Variants in SOD2 observed in about 807,000 individuals in gnomAD.
The protein encoded by SOD2 is superoxide dismutase [Mn], mitochondrial.
SOD2 carries 11 observed loss-of-function variants against 27.0 expected under a neutral mutation model. The observed-to-expected ratio is 0.41, with a 90% CI of 0.26 to 0.67. SOD2 has a LOEUF of 0.67. SOD2 is among the 30% of genes least tolerant of loss of function. The pLI is 0.34. For synonymous variants in SOD2, 105 were observed against 103.0 expected, an observed-to-expected ratio of 1.02 and a Z score of -0.12; for missense variants, 250 against 274.5, an observed-to-expected ratio of 0.91 and a Z score of 0.63.
chr6:159,758,270 C>A lies in SOD2; in HGVS notation c.-336+2767G>T, dbSNP rs201428716. On this transcript the variant is annotated intron_variant, in intron 1 of 7. Transcript: ENST00000546087. ...GGGCTGCTGTGAAAAAAAAAAAAAA[C>A]CACAGACTGGGTGGCTTTACACGCG... Among the ~76,000 whole-genome samples, 862 of 149,892 alleles carry A rather than the reference C, an allele frequency of 5.8e-3. 5 individuals carry two copies. Among genetic ancestry groups the A allele is most frequent in the African/African-American group, 0.018 (738 of 40,824 alleles).
intron 1 of SOD2, among the ~76,000 whole-genome samples, chr6:159,750,292 G>A (rs1779771050): frequency 6.6e-6 from 1 of 152,180 alleles, no homozygotes; most frequent in Admixed American, 6.5e-5. Context: ...TTATTAACAT[G>A]TACTCAAATT....
chr6:159,742,532 G>A (rs1290668051), intron 1 of SOD2, among the ~76,000 whole-genome samples: 1 of 152,080 alleles, frequency 6.6e-6, no homozygotes, highest in Non-Finnish European at 1.5e-5. Context: ...ACAGATTTAT[G>A]ACAGCTTAAA....
chr6:159,711,427 A>C (rs1343757870), intron 1 of SOD2, among the ~76,000 whole-genome samples: 1 of 36,206 alleles, frequency 2.8e-5, no homozygotes, highest in Non-Finnish European at 5.7e-5. Context: ...TCTGATCACC[A>C]TAACCACCTC....
chr6:159,715,541 G>A (rs141290279), intron 1 of SOD2, among the ~76,000 whole-genome samples: 22 of 152,226 alleles, frequency 1.4e-4, no homozygotes, highest in Admixed American at 2.6e-4. Context: ...GGATCTTACC[G>A]TTGCATCCAT....
intron 1 of SOD2, chr6:159,753,440 G>A: frequency 6.2e-7 from 1 of 1,614,130 alleles, no homozygotes; most frequent in African/African-American, 1.3e-5. Flanking sequence ...TTTTGTGATG[G>A]ATGGCTCTTT....
intron 3 of SOD2, 110 bp from the exon 4 acceptor site, chr6:159,685,143 T>C (rs1780123984): frequency 3.4e-6 from 2 of 580,494 alleles, no homozygotes; most frequent in Non-Finnish European, 5.2e-6. Flanking sequence ...CCCAAGAAAT[T>C]AGACAACATC....
rs1583116280 is a variant in SOD2, at chr6:159,759,372, A to G, written c.-336+1665T>C. Among the ~76,000 whole-genome samples, 4 of 147,320 alleles carry G rather than the reference A, an allele frequency of 2.7e-5. No homozygotes were observed. In the East Asian group the frequency reaches 8.6e-4, roughly 32 times the overall value. The stretch of plus-strand genomic sequence containing the variant: ...CCGCGGCCGGCCAAGACATAATTTT[A>G]AAAATTATCTTCCAGCTGGCCGGGC... On this transcript the variant is annotated intron_variant, in intron 1 of 7. Coordinates refer to the SOD2 transcript ENST00000546087.
chr6:159,727,500 G>T (rs1380850491), upstream of SOD2: 2 of 993,462 alleles, frequency 2.0e-6, no homozygotes, highest in Middle Eastern at 5.1e-4. Flanking sequence ...GGCGGGGCCT[G>T]GTTTCCTCCC....
upstream of SOD2, among the ~76,000 whole-genome samples, chr6:159,728,927 G>A (rs1778395346): frequency 6.6e-6 from 1 of 152,190 alleles, no homozygotes; most frequent in Non-Finnish European, 1.5e-5. Context: ...AACTCCTAAA[G>A]GATAAAAGTA....
In SOD2 at chr6:159,711,055, C is replaced by T. The variant is rs1319042912; in HGVS notation, c.-116+16074G>A. Among the ~76,000 whole-genome samples the T allele has an allele frequency of 9.0e-5, 7 of 77,882 alleles. 1 individual carries two copies. Among genetic ancestry groups the T allele is most frequent in the East Asian group, 4.4e-4 (1 of 2,270 alleles). The allele number at this position is 77,882 out of a possible 152,430, so 51.1% of individuals were successfully genotyped here. ...ACTCAACAGCTCTGATCACCATAAC[C>T]GCCTCCACAACCACCACTCACATTG... On this transcript the variant is annotated intron_variant, in intron 1 of 2. Coordinates refer to the SOD2 transcript ENST00000401980.
At chr6:159,726,916 C>T (rs1161469671) in intron 1 of SOD2, 1 of 1,288,890 alleles carries the variant, frequency 7.8e-7, no homozygotes, top group Admixed American at 2.3e-5. Flanking sequence ...CTTGAGGTGG[C>T]ACCTGGTCCT....
chr6:159,700,684 A>C (rs1393707718), intron 1 of SOD2, among the ~76,000 whole-genome samples: 2 of 151,948 alleles, frequency 1.3e-5, no homozygotes, highest in African/African-American at 4.8e-5. Context: ...ATGCATTGTT[A>C]ACATGTGTGG....
chr6:159,712,285 GATC>G (rs1777815557), intron 1 of SOD2, among the ~76,000 whole-genome samples: 1 of 144,206 alleles, frequency 6.9e-6, no homozygotes, highest in Non-Finnish European at 1.5e-5. Context: ...ACATTGCTCT[GATC>G]ACCATAACCA....
At chr6:159,760,659 G>C (rs528787914) in intron 1 of SOD2, 1 of 152,396 alleles carries the variant, frequency 6.6e-6, no homozygotes, top group South Asian at 2.1e-4. Context: ...TCAGTATACA[G>C]GTGGTGATTG....
chr6:159,694,193 C>G (rs1777372061), upstream of SOD2, among the ~76,000 whole-genome samples: 1 of 152,210 alleles, frequency 6.6e-6, no homozygotes, highest in African/African-American at 2.4e-5. Flanking sequence ...CTTTCCTGCG[C>G]TGTCTTGTAG....
intron 1 of SOD2, chr6:159,713,231 C>T: frequency 1.3e-6 from 1 of 795,820 alleles, no homozygotes. Flanking sequence ...TCTATCAGAC[C>T]TAAAGCCATA....
At chr6:159,726,567 G>T in intron 1 of SOD2, 1 of 343,630 alleles carries the variant, frequency 2.9e-6, no homozygotes, top group Non-Finnish European at 5.7e-6. Context: ...AGGTAACACC[G>T]CCATTACTCG....
At chr6:159,743,499 C>T (rs2114927882) in intron 1 of SOD2, among the ~76,000 whole-genome samples, 1 of 152,282 alleles carries the variant, frequency 6.6e-6, no homozygotes, top group East Asian at 1.9e-4. Context: ...CCATTGTCTC[C>T]TAAAGGAGCT....
chr6:159,671,882 T>C lies in SOD2; in HGVS notation c.*10611A>G, dbSNP rs746438381. On this transcript the variant is annotated 3_prime_UTR_variant, in exon 5 of 5. Coordinates refer to ENST00000538183, the MANE Select transcript of SOD2 (RefSeq NM_000636.4). ...AAATGGCTAACTAGAATAACCAGCA[T>C]AGAGAAGTCCTTAAATGACCTGATG... 1 of 152,104 alleles carries C rather than the reference T, an allele frequency of 6.6e-6. No homozygotes were observed. The highest frequency in any genetic ancestry group is 1.5e-5 in the Non-Finnish European group (1 of 68,024). 9.4% of individuals were successfully genotyped at this position (152,104 alleles called of 1,614,324 possible).
Sources: allele counts gnomAD v4.1 joint callset (sites outside exome capture counted in the v4.1 genomes callset), GRCh38; gene constraint gnomAD v4.1.1; transcripts MANE v1.5; gene names NCBI Gene and HGNC (gene_info 2026-07-23, HGNC 2026-07-21).